Variants in LRP1B observed in about 807,000 individuals in gnomAD.
LRP1B encodes the protein low-density lipoprotein receptor-related protein 1B.
In LRP1B, 217 loss-of-function variants were observed where a neutral mutation model predicts 556.6. That is an observed-to-expected ratio of 0.39 (90% CI 0.35 to 0.44). LRP1B has a LOEUF of 0.44. Ranked by LOEUF, LRP1B falls within the 20% of genes least tolerant of loss-of-function variation. The probability of loss-of-function intolerance (pLI) is 1.00; values close to 1 mark genes in which losing one functional copy is unlikely to be tolerated. For missense variants in LRP1B, 5,053 were observed against 5,620.8 expected, an observed-to-expected ratio of 0.90 and a Z score of 3.23; for synonymous variants, 2,047 against 1,865.8, an observed-to-expected ratio of 1.10 and a Z score of -2.50.
intron 20 of LRP1B, among the ~76,000 whole-genome samples, chr2:140,932,584 A>T (rs1193048887): frequency 1.3e-5 from 2 of 152,072 alleles, no homozygotes; most frequent in Non-Finnish European, 2.9e-5. Flanking sequence ...ACATATCAAC[A>T]ATAACAACCC....
At chr2:141,966,932 C>A (rs1209204778) in intron 1 of LRP1B, among the ~76,000 whole-genome samples, 3 of 151,792 alleles carry the variant, frequency 2.0e-5, no homozygotes, top group African/African-American at 4.8e-5. Flanking sequence ...ATGGTGCTGG[C>A]TTCCATATTC....
chr2:140,252,832 T>A (rs1023903664), intron 86 of LRP1B, among the ~76,000 whole-genome samples: 1 of 152,100 alleles, frequency 6.6e-6, no homozygotes, highest in Non-Finnish European at 1.5e-5. Context: ...ATACTGTAGA[T>A]GTATCTAATA....
intron 7 of LRP1B, among the ~76,000 whole-genome samples, chr2:141,126,145 C>T (rs1701204500): frequency 6.6e-6 from 1 of 151,986 alleles, no homozygotes; most frequent in Non-Finnish European, 1.5e-5. Flanking sequence ...GATTCTCTTG[C>T]CTCAGCCTCC....
At chr2:140,894,942 CA>C (rs553164109) in intron 23 of LRP1B, among the ~76,000 whole-genome samples, 20,636 of 112,830 alleles carry the variant, frequency 0.18, 1,384 homozygotes, top group Middle Eastern at 0.25. Context: ...GACTCTGCCT[CA>C]AAAAAAAAAA....
At chr2:140,702,877 C>T (rs1194792423) in intron 37 of LRP1B, among the ~76,000 whole-genome samples, 2 of 152,156 alleles carry the variant, frequency 1.3e-5, no homozygotes, top group East Asian at 3.9e-4. Context: ...CTATTTCTTT[C>T]CAGAAGCCTT....
intron 7 of LRP1B, among the ~76,000 whole-genome samples, chr2:141,071,436 A>C (rs1055249253): frequency 6.6e-6 from 1 of 152,124 alleles, no homozygotes; most frequent in African/African-American, 2.4e-5. Context: ...TTCCCTTTGA[A>C]AACAGGCACA....
chr2:141,711,866 G>A (rs1424583721), intron 2 of LRP1B, among the ~76,000 whole-genome samples: 4 of 151,814 alleles, frequency 2.6e-5, no homozygotes, highest in Admixed American at 6.6e-5. Flanking sequence ...AACTAGATCC[G>A]TCTCAAGGGC....
At chr2:140,426,988 C>G (rs1022849117) in intron 66 of LRP1B, among the ~76,000 whole-genome samples, 1 of 152,156 alleles carries the variant, frequency 6.6e-6, no homozygotes, top group Admixed American at 6.5e-5. Context: ...CAACCTCCCT[C>G]ACTATCCCTC....
intron 11 of LRP1B, among the ~76,000 whole-genome samples, chr2:141,044,616 G>T (rs1225654213): frequency 4.6e-5 from 7 of 151,766 alleles, no homozygotes; most frequent in Non-Finnish European, 8.8e-5. Flanking sequence ...CAAAGGACAT[G>T]AACAGACACT....
At chr2:140,581,114 T>C (rs781462358) in intron 43 of LRP1B, among the ~76,000 whole-genome samples, 9 of 152,330 alleles carry the variant, frequency 5.9e-5, no homozygotes, top group African/African-American at 7.2e-5. Flanking sequence ...TCATTGCTTT[T>C]ATTTACTTTC....
intron 2 of LRP1B, among the ~76,000 whole-genome samples, chr2:141,624,032 T>TAAAAAAAAAAAAAAAAAAAAAAAAAAA (rs761446527): frequency 6.9e-5 from 1 of 14,446 alleles, no homozygotes; most frequent in African/African-American, 1.7e-4. Context: ...AAAAAAAAAT[T>TAAAAAAAAAAAAAAAAAAAAAAAAAAA]AAACAAAAAA....
intron 2 of LRP1B, among the ~76,000 whole-genome samples, chr2:141,745,582 G>A (rs1042707877): frequency 1.3e-5 from 2 of 152,052 alleles, no homozygotes; most frequent in African/African-American, 4.8e-5. Flanking sequence ...AGGGCAGTGA[G>A]CTTCCTTCTG....
chr2:140,815,248 C>T (rs1691072196), intron 31 of LRP1B, among the ~76,000 whole-genome samples: 1 of 152,004 alleles, frequency 6.6e-6, no homozygotes, highest in Non-Finnish European at 1.5e-5. Context: ...TTCTCAACTA[C>T]AGGGATTCCC....
intron 1 of LRP1B, among the ~76,000 whole-genome samples, chr2:141,901,295 T>A (rs1189088565): frequency 6.6e-6 from 1 of 151,952 alleles, no homozygotes; most frequent in African/African-American, 2.4e-5. Flanking sequence ...TGGAGGAAAC[T>A]AACCGTTTGA....
intron 18 of LRP1B, among the ~76,000 whole-genome samples, chr2:140,976,879 G>A (rs1696618000): frequency 6.6e-6 from 1 of 151,790 alleles, no homozygotes; most frequent in Non-Finnish European, 1.5e-5. Flanking sequence ...AATGAATTAG[G>A]TACTACCAAC....
At chr2:141,703,382 A>G (rs895432286) in intron 2 of LRP1B, among the ~76,000 whole-genome samples, 2 of 152,048 alleles carry the variant, frequency 1.3e-5, no homozygotes, top group African/African-American at 4.8e-5. Context: ...GGCAATGGTT[A>G]ATCTATGGCT....
intron 1 of LRP1B, among the ~76,000 whole-genome samples, chr2:142,008,894 T>C (rs2105150920): frequency 6.6e-6 from 1 of 152,254 alleles, no homozygotes; most frequent in Middle Eastern, 3.4e-3. Context: ...CAGGTAGAAT[T>C]CCACATTCTA....
At position 141,483,053 on chromosome 2, in the gene LRP1B, T is replaced by G. The variant is rs182639597; in HGVS notation, c.206-2520A>C. On this transcript the variant is annotated intron_variant, in intron 2 of 90. Transcript: ENST00000389484. ...ATGTATACATGTGTCATGTTGGTGT[T>G]CTGCACCCATTAACTTGTCATTTAG... is the stretch of plus-strand genomic sequence containing the variant. Among the ~76,000 whole-genome samples, 1,158 of 151,968 alleles carry G rather than the reference T, an allele frequency of 7.6e-3. 21 individuals carry two copies. Among genetic ancestry groups the G allele is most frequent in the African/African-American group, 0.024 (991 of 41,438 alleles).
intron 2 of LRP1B, among the ~76,000 whole-genome samples, chr2:141,665,344 A>G (rs1463325195): frequency 1.3e-5 from 2 of 152,206 alleles, no homozygotes; most frequent in African/African-American, 2.4e-5. Context: ...AACATCACTG[A>G]TAATTAGAGA....
Sources: gnomAD v4.1 joint callset for allele counts (sites outside exome capture counted in the v4.1 genomes callset) on GRCh38, gnomAD v4.1.1 for gene constraint, MANE v1.5 for transcripts, NCBI Gene and HGNC (gene_info 2026-07-23, HGNC 2026-07-21) for gene names.